CD58: variants seen among roughly 807,000 people sequenced by gnomAD.
CD58 encodes the protein lymphocyte function-associated antigen 3.
CD58 carries 14 observed loss-of-function variants against 27.6 expected under a neutral mutation model. The ratio of observed to expected loss-of-function variants is 0.51; its 90% confidence interval spans 0.34 to 0.79. CD58 has a LOEUF of 0.79. CD58 is among the 30% of genes least tolerant of loss of function. CD58 has a pLI of 0.02. For missense variants in CD58, 268 were observed against 301.7 expected (o/e 0.89, Z 0.83); for synonymous variants, 117 against 103.8 (o/e 1.13, Z -0.77).
At chr1:116,556,982 A>C (rs1658588172) in intron 1 of CD58, among the ~76,000 whole-genome samples, 1 of 152,224 alleles carries the variant, frequency 6.6e-6, no homozygotes. Context: ...CTGTTCTTGA[A>C]AGTTGGCAAC....
chr1:116,568,825 A>C (rs971102489), intron 1 of CD58, among the ~76,000 whole-genome samples: 1 of 152,226 alleles, frequency 6.6e-6, no homozygotes, highest in East Asian at 1.9e-4. Flanking sequence ...TCAGGTGAGG[A>C]GTGGGGCCAG....
chr1:116,545,912 C>T (rs1370865584), intron 1 of CD58, among the ~76,000 whole-genome samples: 1 of 152,184 alleles, frequency 6.6e-6, no homozygotes, highest in African/African-American at 2.4e-5. Flanking sequence ...TCCTGTGGTT[C>T]ATGCCTGTAA....
chr1:116,559,345 A>C lies in CD58; in HGVS notation c.70+11558T>G, dbSNP rs1250427023. Among the ~76,000 whole-genome samples, 1 of 152,200 alleles carries C rather than the reference A, an allele frequency of 6.6e-6. No individual in the cohort carries two copies. The highest frequency in any genetic ancestry group is 2.4e-5 in the African/African-American group (1 of 41,450). ...CCGAAGCACCAGGCTACAGATGAAG[A>C]AATGGACTGAGAGGGTCAGCTGACT... On this transcript the variant is annotated intron_variant, in intron 1 of 5. Coordinates refer to ENST00000369489, the MANE Select transcript of CD58 (RefSeq NM_001779.3). This position sits in a 1 kb window ranked among gnomAD's most constrained non-coding sequence, Gnocchi z 4.4.
chr1:116,515,065 C>T lies in CD58; in HGVS notation c.744-243G>A, dbSNP rs750970167. ...GCACTCAATAGCAGCCCCAAGGCTC[C>T]TCCCGCTTACTCTCTGAGTATAACT... On this transcript the variant is annotated intron_variant, in intron 5 of 5. Transcript: ENST00000369489. This position sits in a 1 kb window ranked among gnomAD's most constrained non-coding sequence, Gnocchi z 4.6. 3.1e-4 allele frequency among the ~76,000 whole-genome samples: 47 copies of T among 152,208 alleles called. No homozygotes were observed. Among genetic ancestry groups the T allele is most frequent in the Non-Finnish European group, 5.3e-4 (36 of 68,038 alleles).
rs1571059870 is a variant in CD58, at chr1:116,524,238, G to C, written c.629-2255C>G. Among the ~76,000 whole-genome samples the C allele has an allele frequency of 6.6e-6, 1 of 152,168 alleles. No individual in the cohort carries two copies. Among genetic ancestry groups the C allele is most frequent in the East Asian group, 1.9e-4 (1 of 5,196 alleles). On this transcript the variant is annotated intron_variant, in intron 3 of 5. Transcript: ENST00000369489. The surrounding 1 kb of genome is among the most constrained non-coding windows in gnomAD (Gnocchi z 4.6). ...ATTAGGTACCATAATCTGGGTGAAG[G>C]TGGCCAATCATCCTGGTTTTCCTGA...
chr1:116,553,346 A>T (rs1038973639), intron 1 of CD58, among the ~76,000 whole-genome samples: 3 of 152,044 alleles, frequency 2.0e-5, no homozygotes, highest in Non-Finnish European at 4.4e-5. Flanking sequence ...TGGAAGACTG[A>T]TGGGAGGGGT....
At position 116,521,357 on chromosome 1, in the gene CD58, T is replaced by C. The variant is rs1657255982; in HGVS notation, c.706+549A>G. 6.6e-6 allele frequency among the ~76,000 whole-genome samples: 1 copy of C among 152,164 alleles called. No individual in the cohort carries two copies. The highest frequency in any genetic ancestry group is 1.5e-5 in the Non-Finnish European group (1 of 68,036). Reference sequence around the variant, plus strand: ...TTGGGATTTGAGAGGGATTACTCATTACCAGGAATGAACAGGCTGGGAACA... The same window carrying C: ...TTGGGATTTGAGAGGGATTACTCATCACCAGGAATGAACAGGCTGGGAACA... On this transcript the variant is annotated intron_variant, in intron 4 of 5. Transcript: ENST00000369489. This position sits in a 1 kb window ranked among gnomAD's most constrained non-coding sequence, Gnocchi z 5.6.
In CD58 at chr1:116,521,970, G is replaced by A; in HGVS notation, c.642C>T (p.His214=). 1.3e-6 allele frequency: 2 copies of A among 1,566,142 alleles called. No individual in the cohort carries two copies. Among genetic ancestry groups the A allele is most frequent in the Non-Finnish European group, 1.8e-6 (2 of 1,140,464 alleles). Residue 214 remains histidine (H), a synonymous_variant, in exon 4 of 6, where the codon CAC becomes CAT. Coordinates refer to ENST00000369489, the MANE Select transcript of CD58 (RefSeq NM_001779.3). This position sits in a 1 kb window ranked among gnomAD's most constrained non-coding sequence, Gnocchi z 5.6. ...ATGGTATGGGTATAAGTGCATATCTGTGTCTTGAATGACCTATAAAAAAGA... is the reference window on the plus strand; with the variant it reads ...ATGGTATGGGTATAAGTGCATATCTATGTCTTGAATGACCTATAAAAAAGA... ...TCIPSSGHSR[H]RYALIPIPLA...
intron 1 of CD58, among the ~76,000 whole-genome samples, chr1:116,548,113 T>C (rs1422900366): frequency 1.3e-5 from 2 of 152,246 alleles, no homozygotes; most frequent in East Asian, 3.8e-4. Flanking sequence ...TTGAGAACTG[T>C]CTATTCATGT....
chr1:116,565,161 C>G (rs1658889310), intron 1 of CD58, among the ~76,000 whole-genome samples: 1 of 152,166 alleles, frequency 6.6e-6, no homozygotes, highest in African/African-American at 2.4e-5. Context: ...TTTAAACATC[C>G]AAGTCATCAT....
Position 116,519,425 on chromosome 1 carries a change from G to A in CD58, c.707-158C>T, listed in dbSNP as rs1344327930. ...TATCCTATATGCTTTAAATCAAATC[G>A]GCTACAGAGCTGGTCCAAAGAGTTG... is the stretch of plus-strand genomic sequence containing the variant. On this transcript the variant is annotated intron_variant, in intron 4 of 5. Transcript: ENST00000369489. The surrounding 1 kb of genome is among the most constrained non-coding windows in gnomAD (Gnocchi z 4.7). The A allele has an allele frequency of 2.7e-5, 19 of 710,132 alleles. No individual in the cohort carries two copies. Among genetic ancestry groups the A allele is most frequent in the Middle Eastern group, 3.8e-4 (1 of 2,648 alleles). The allele number at this position is 710,132 out of a possible 1,614,324, so 44.0% of individuals were successfully genotyped here.
At chr1:116,565,254 C>T (rs190119701) in intron 1 of CD58, among the ~76,000 whole-genome samples, 46 of 152,318 alleles carry the variant, frequency 3.0e-4, no homozygotes, top group African/African-American at 1.1e-3. Flanking sequence ...GCCCTAAAAA[C>T]TTTATCTACA....
rs1004032638 is a variant in CD58, at chr1:116,527,184, T to C, written c.629-5201A>G. ...ACTTTTATTTCCTTTTCTTGTCTTA[T>C]GGCATTAGTTAGTGCTTATAGTACA... On this transcript the variant is annotated intron_variant, in intron 3 of 5. Coordinates refer to ENST00000369489, the MANE Select transcript of CD58 (RefSeq NM_001779.3). The surrounding 1 kb of genome is among the most constrained non-coding windows in gnomAD (Gnocchi z 4.4). 2.6e-5 allele frequency among the ~76,000 whole-genome samples: 4 copies of C among 152,232 alleles called. No homozygotes were observed. The highest frequency in any genetic ancestry group is 5.9e-5 in the Non-Finnish European group (4 of 68,036).
chr1:116,518,380 A>T (rs1657154601), intron 5 of CD58, among the ~76,000 whole-genome samples: 1 of 151,702 alleles, frequency 6.6e-6, no homozygotes, highest in Admixed American at 6.6e-5. Flanking sequence ...TCCTCATCTC[A>T]TCTCCTATTA....
rs1033111712 is a variant in CD58, at chr1:116,515,461, G to A, written c.744-639C>T. Among the ~76,000 whole-genome samples, 3 of 152,198 alleles carry A rather than the reference G, an allele frequency of 2.0e-5. No homozygotes were observed. The highest frequency in any genetic ancestry group is 7.2e-5 in the African/African-American group (3 of 41,454). ...AAATTAGTGCTGTGGTCACAGGGGT[G>A]AGGTAAAGGACAGCAAACTAGAAGT... On this transcript the variant is annotated intron_variant, in intron 5 of 5. Coordinates refer to ENST00000369489, the MANE Select transcript of CD58 (RefSeq NM_001779.3). The surrounding 1 kb of genome is among the most constrained non-coding windows in gnomAD (Gnocchi z 4.6).
chr1:116,558,503 G>A (rs956209985), intron 1 of CD58, among the ~76,000 whole-genome samples: 1 of 152,246 alleles, frequency 6.6e-6, no homozygotes, highest in Non-Finnish European at 1.5e-5. Context: ...TGCATTTATA[G>A]TATTGAGGAG....
chr1:116,548,060 G>A (rs946989756), intron 1 of CD58, among the ~76,000 whole-genome samples: 2 of 152,248 alleles, frequency 1.3e-5, no homozygotes, highest in Admixed American at 1.3e-4. Context: ...TAGTAATGTT[G>A]AGCATTTTTT....
At chr1:116,542,713 C>T (rs1571074368) in intron 2 of CD58, among the ~76,000 whole-genome samples, 1 of 152,008 alleles carries the variant, frequency 6.6e-6, no homozygotes, top group African/African-American at 2.4e-5. Context: ...TTCCCGAGGA[C>T]GGCAAGAGGA....
In CD58 at chr1:116,546,643, G is replaced by A. The variant is rs1157883854; in HGVS notation, c.71-2039C>T. 6.6e-6 allele frequency among the ~76,000 whole-genome samples: 1 copy of A among 152,190 alleles called. No homozygotes were observed. Among genetic ancestry groups the A allele is most frequent in the Non-Finnish European group, 1.5e-5 (1 of 68,040 alleles). On this transcript the variant is annotated intron_variant, in intron 1 of 5. Coordinates refer to ENST00000369489, the MANE Select transcript of CD58 (RefSeq NM_001779.3). This position sits in a 1 kb window ranked among gnomAD's most constrained non-coding sequence, Gnocchi z 4.1. ...ATGAGATAAACTGCCATACCCTGGC[G>A]GCATGAAGATGTCTTTTGTCTTTCC...
Sources: gnomAD v4.1 joint callset for allele counts (sites outside exome capture counted in the v4.1 genomes callset) on GRCh38, gnomAD v4.1.1 for gene constraint, Gnocchi (gnomAD v3.1) non-coding constraint, MANE v1.5 for transcripts, NCBI Gene and HGNC (gene_info 2026-07-23, HGNC 2026-07-21) for gene names.